ASTN2: variants seen among roughly 807,000 people sequenced by gnomAD.
ASTN2 encodes the protein astrotactin 2, also known as astrotactin-2.
Under a neutral mutation model 139.8 loss-of-function variants are expected in ASTN2, and 54 were observed. The observed-to-expected ratio is 0.39, with a 90% confidence interval of 0.31 to 0.48. The LOEUF (loss-of-function observed/expected upper bound fraction) is 0.48, where lower values mean the gene tolerates loss of function less well. ASTN2 is among the 20% of genes least tolerant of loss of function. ASTN2 has a pLI of 0.95. For missense variants in ASTN2, 1,565 were observed against 1,725.1 expected (o/e 0.91, Z 1.64); for synonymous variants, 756 against 719.5 (o/e 1.05, Z -0.81).
intron 22 of ASTN2, among the ~76,000 whole-genome samples, chr9:116,427,763 C>T (rs1057500654): frequency 1.3e-5 from 2 of 152,196 alleles, no homozygotes; most frequent in African/African-American, 4.8e-5. Flanking sequence ...TGGAATATTT[C>T]CTGAGGTGCC....
At chr9:116,446,285 A>AGAGAGAGAGG (rs1564282697) in intron 20 of ASTN2, among the ~76,000 whole-genome samples, 4 of 150,028 alleles carry the variant, frequency 2.7e-5, no homozygotes, top group Non-Finnish European at 5.9e-5. Flanking sequence ...AGAGAGAGAG[A>AGAGAGAGAGG]GAGAGAGAGA....
At chr9:117,243,459 T>C (rs1463391819) in intron 2 of ASTN2, among the ~76,000 whole-genome samples, 5 of 152,342 alleles carry the variant, frequency 3.3e-5, no homozygotes, top group Non-Finnish European at 5.9e-5. Flanking sequence ...ATAATATTCA[T>C]GTTTACAATT....
intron 10 of ASTN2, among the ~76,000 whole-genome samples, chr9:116,881,014 A>G (rs562320957): frequency 3.2e-4 from 48 of 152,328 alleles, no homozygotes; most frequent in African/African-American, 9.6e-4. Flanking sequence ...TTTCTAGAAG[A>G]GGTAGCCACA....
intron 2 of ASTN2, among the ~76,000 whole-genome samples, chr9:117,229,540 C>T (rs1432478959): frequency 1.3e-5 from 2 of 152,342 alleles, no homozygotes; most frequent in Non-Finnish European, 2.9e-5. Flanking sequence ...TGCCACCCAA[C>T]AGGACAGCAT....
chr9:117,118,096 T>C (rs894395904), intron 4 of ASTN2, among the ~76,000 whole-genome samples: 2 of 152,194 alleles, frequency 1.3e-5, no homozygotes, highest in African/African-American at 4.8e-5. Flanking sequence ...AGACCTAGGA[T>C]TCTTGGGTCT....
chr9:116,993,876 A>ATATATTTTTTT (rs1030120382), intron 7 of ASTN2, among the ~76,000 whole-genome samples: 12 of 142,058 alleles, frequency 8.4e-5, no homozygotes, highest in Non-Finnish European at 1.7e-4. Context: ...ATATATATAT[A>ATATATTTTTTT]TTTTAACTAT....
intron 5 of ASTN2, among the ~76,000 whole-genome samples, chr9:117,041,131 A>G (rs1374327133): frequency 6.6e-6 from 1 of 152,212 alleles, no homozygotes; most frequent in Non-Finnish European, 1.5e-5. Context: ...CTGCACAGCT[A>G]GACGACACTG....
intron 2 of ASTN2, among the ~76,000 whole-genome samples, chr9:117,221,234 A>G (rs1316733853): frequency 1.3e-5 from 2 of 152,146 alleles, no homozygotes; most frequent in African/African-American, 4.8e-5. Context: ...TACGTACACA[A>G]CCTCAAAAAC....
At chr9:117,003,849 A>G (rs1401246191) in intron 7 of ASTN2, among the ~76,000 whole-genome samples, 1 of 151,660 alleles carries the variant, frequency 6.6e-6, no homozygotes, top group African/African-American at 2.4e-5. Flanking sequence ...AATGGAAAAA[A>G]AAATCTAAGG....
intron 1 of ASTN2, among the ~76,000 whole-genome samples, chr9:117,408,414 C>T (rs1371266404): frequency 6.6e-6 from 1 of 152,122 alleles, no homozygotes; most frequent in African/African-American, 2.4e-5. Context: ...GGGAGCCCAT[C>T]AAAGTCGACG....
intron 6 of ASTN2, among the ~76,000 whole-genome samples, chr9:117,025,197 G>C (rs1838026319): frequency 6.6e-6 from 1 of 152,150 alleles, no homozygotes; most frequent in Non-Finnish European, 1.5e-5. Context: ...TCAGGAAATA[G>C]CTATTTCATT....
chr9:117,317,115 CTGTG>C (rs781002935), intron 1 of ASTN2, among the ~76,000 whole-genome samples: 5 of 152,166 alleles, frequency 3.3e-5, no homozygotes, highest in Admixed American at 6.5e-5. Flanking sequence ...CTCTCTCTCT[CTGTG>C]TATGTCTCTC....
At chr9:117,305,396 GAGGCTCAACAGGAA>G (rs1188014028) in intron 1 of ASTN2, among the ~76,000 whole-genome samples, 1 of 152,162 alleles carries the variant, frequency 6.6e-6, no homozygotes, top group East Asian at 1.9e-4. Flanking sequence ...CTGAAACCAA[GAGGCTCAACAGGAA>G]AGGCTGAAAT....
At chr9:116,894,011 T>C (rs1833826577) in intron 10 of ASTN2, among the ~76,000 whole-genome samples, 1 of 152,160 alleles carries the variant, frequency 6.6e-6, no homozygotes, top group South Asian at 2.1e-4. Context: ...GCTTTTCACT[T>C]CATTTGAGTG....
At chr9:117,257,449 A>C (rs974607571) in intron 2 of ASTN2, among the ~76,000 whole-genome samples, 4 of 152,232 alleles carry the variant, frequency 2.6e-5, no homozygotes, top group Non-Finnish European at 5.9e-5. Context: ...TCTGTTCAAA[A>C]ATAGAAAGAT....
chr9:117,093,446 G>T (rs995683046), intron 5 of ASTN2, among the ~76,000 whole-genome samples: 10 of 152,146 alleles, frequency 6.6e-5, no homozygotes, highest in African/African-American at 1.9e-4. Context: ...TTGCCAGTAA[G>T]TGGGGGGGCT....
At chr9:116,743,133 T>C (rs1359884428) in intron 13 of ASTN2, among the ~76,000 whole-genome samples, 1 of 152,036 alleles carries the variant, frequency 6.6e-6, no homozygotes, top group Non-Finnish European at 1.5e-5. Flanking sequence ...GGGAGACTGT[T>C]TGGTAAGGGG....
intron 1 of ASTN2, among the ~76,000 whole-genome samples, chr9:117,409,590 G>C (rs1831104960): frequency 6.6e-6 from 1 of 152,148 alleles, no homozygotes; most frequent in African/African-American, 2.4e-5. Flanking sequence ...ACATTCGTTA[G>C]AATCAGACAC....
At chr9:116,791,708 C>A (rs930063946) in intron 13 of ASTN2, among the ~76,000 whole-genome samples, 1 of 152,176 alleles carries the variant, frequency 6.6e-6, no homozygotes, top group Non-Finnish European at 1.5e-5. Context: ...TCTTTCTGAG[C>A]GTTTAGACCA....
Sources: gnomAD v4.1 joint callset for allele counts (sites outside exome capture counted in the v4.1 genomes callset) on GRCh38, gnomAD v4.1.1 for gene constraint, MANE v1.5 for transcripts, NCBI Gene and HGNC (gene_info 2026-07-23, HGNC 2026-07-21) for gene names.